The following PDE7A variants were observed in gnomAD, a reference collection of about 807,000 sequenced individuals.
PDE7A encodes the protein phosphodiesterase 7A.
Under a neutral mutation model 64.3 loss-of-function variants are expected in PDE7A, and 39 were observed. The observed-to-expected ratio is 0.61, with a 90% CI of 0.47 to 0.79. The LOEUF (loss-of-function observed/expected upper bound fraction) is 0.79, where lower values mean the gene tolerates loss of function less well. Ranked by LOEUF, PDE7A falls within the 30% of genes least tolerant of loss-of-function variation. PDE7A has a pLI of 0.00. For missense variants in PDE7A, 470 were observed against 582.8 expected (o/e 0.81, Z 1.99); for synonymous variants, 203 against 206.8 (o/e 0.98, Z 0.16).
chr8:65,810,477 C>T (rs1362523926), intron 1 of PDE7A, among the ~76,000 whole-genome samples: 2 of 152,008 alleles, frequency 1.3e-5, no homozygotes, highest in Non-Finnish European at 2.9e-5. Flanking sequence ...GCACATATAC[C>T]CTAGAACTTA....
chr8:65,813,675 C>CAAATACAG (rs1810309769), intron 1 of PDE7A, among the ~76,000 whole-genome samples: 1 of 152,114 alleles, frequency 6.6e-6, no homozygotes, highest in African/African-American at 2.4e-5. Context: ...TTAATGTAAT[C>CAAATACAG]TTTTTGACAA....
intron 3 of PDE7A, among the ~76,000 whole-genome samples, chr8:65,748,347 TC>T (rs1192960624): frequency 3.3e-5 from 5 of 152,198 alleles, no homozygotes; most frequent in African/African-American, 1.2e-4. Flanking sequence ...GTGGTTTATA[TC>T]CTGTAAGTGT....
At chr8:65,739,318 G>A (rs775420306) in intron 6 of PDE7A, among the ~76,000 whole-genome samples, 184 bp downstream of exon 6, 3 of 152,180 alleles carry the variant, frequency 2.0e-5, no homozygotes, top group Non-Finnish European at 4.4e-5. Context: ...ACCCAGACCA[G>A]ACCAAAAGAA....
intron 1 of PDE7A, among the ~76,000 whole-genome samples, chr8:65,823,683 A>C (rs1810596843): frequency 2.0e-5 from 3 of 152,196 alleles, no homozygotes; most frequent in Admixed American, 2.0e-4. Context: ...AAACATGAAG[A>C]GATAACTAGT....
chr8:65,772,973 A>C (rs1032399494), intron 3 of PDE7A, among the ~76,000 whole-genome samples: 1 of 152,102 alleles, frequency 6.6e-6, no homozygotes, highest in African/African-American at 2.4e-5. Flanking sequence ...GTGCCACTGC[A>C]CTCCAGCCTG....
At chr8:65,825,952 G>A (rs1392009948) in intron 1 of PDE7A, among the ~76,000 whole-genome samples, 1 of 152,150 alleles carries the variant, frequency 6.6e-6, no homozygotes, top group African/African-American at 2.4e-5. Flanking sequence ...TAATGGGATA[G>A]ATGGGGGATG....
At chr8:65,728,980 T>C (rs1457234907) in intron 7 of PDE7A, among the ~76,000 whole-genome samples, 5 of 152,004 alleles carry the variant, frequency 3.3e-5, no homozygotes, top group African/African-American at 7.3e-5. Flanking sequence ...ATATTTGATA[T>C]AAAAATGTAA....
chr8:65,823,177 A>G (rs7839014), intron 1 of PDE7A, among the ~76,000 whole-genome samples: 17,206 of 152,180 alleles, frequency 0.11, 1,044 homozygotes, highest in Non-Finnish European at 0.14. Context: ...AAACCTCTAA[A>G]AAGTTTGAAA....
intron 3 of PDE7A, among the ~76,000 whole-genome samples, chr8:65,777,230 C>G (rs1226212930): frequency 2.0e-5 from 3 of 151,996 alleles, no homozygotes; most frequent in Non-Finnish European, 4.4e-5. Context: ...CAGGCATGCA[C>G]CACCACGCCT....
intron 1 of PDE7A, among the ~76,000 whole-genome samples, chr8:65,829,526 T>A (rs995068802): frequency 2.6e-5 from 4 of 152,216 alleles, no homozygotes; most frequent in African/African-American, 7.2e-5. Context: ...ACTGAAAGAA[T>A]TCCTACAGCT....
At chr8:65,784,795 G>A (rs1809502572) in intron 1 of PDE7A, among the ~76,000 whole-genome samples, 1 of 151,788 alleles carries the variant, frequency 6.6e-6, no homozygotes, top group African/African-American at 2.4e-5. Flanking sequence ...AGAAAAACAG[G>A]TAGGACATAA....
At chr8:65,789,782 C>G (rs1809650609) in intron 1 of PDE7A, among the ~76,000 whole-genome samples, 2 of 152,276 alleles carry the variant, frequency 1.3e-5, no homozygotes, top group African/African-American at 2.4e-5. Context: ...AACTTTCATT[C>G]AAGTATTCAG....
intron 1 of PDE7A, among the ~76,000 whole-genome samples, chr8:65,830,727 C>G (rs757409750): frequency 6.6e-6 from 1 of 152,050 alleles, no homozygotes; most frequent in Non-Finnish European, 1.5e-5. Context: ...TATGGACATA[C>G]ACAATTTTCG....
At chr8:65,813,126 T>C (rs1380009972) in intron 1 of PDE7A, among the ~76,000 whole-genome samples, 1 of 152,124 alleles carries the variant, frequency 6.6e-6, no homozygotes, top group Non-Finnish European at 1.5e-5. Context: ...CAAATAAAAA[T>C]ACAAAACATA....
chr8:65,809,720 AT>A (rs1193160877), intron 1 of PDE7A, among the ~76,000 whole-genome samples: 3 of 152,246 alleles, frequency 2.0e-5, no homozygotes, highest in Non-Finnish European at 4.4e-5. Flanking sequence ...AAAAGAAGAC[AT>A]TTATGCAGCC....
Position 65,827,566 on chromosome 8 carries a change from A to C in PDE7A, c.138+13805T>G, listed in dbSNP as rs529565713. On this transcript the variant is annotated intron_variant, in intron 1 of 12. Transcript: ENST00000401827. ...GCAGCATATTCCTCCAAACATTATA[A>C]CACTATACAGTCATGTGCCAAATAA... Among the ~76,000 whole-genome samples, 6 of 152,334 alleles carry C rather than the reference A, an allele frequency of 3.9e-5. No individual in the cohort carries two copies. In the South Asian group the frequency reaches 1.2e-3, roughly 32 times the overall value.
intron 1 of PDE7A, among the ~76,000 whole-genome samples, chr8:65,836,833 T>C (rs952245394): frequency 1.3e-5 from 2 of 152,214 alleles, no homozygotes; most frequent in Admixed American, 1.3e-4. Context: ...CATCAGATAG[T>C]GCAAAAACAT....
intron 1 of PDE7A, among the ~76,000 whole-genome samples, chr8:65,785,909 C>T (rs1010344024): frequency 3.3e-5 from 5 of 151,990 alleles, no homozygotes; most frequent in African/African-American, 1.2e-4. Flanking sequence ...TATCACTTCA[C>T]ACATTAAGGA....
chr8:65,772,299 T>A (rs1024568883), intron 3 of PDE7A, among the ~76,000 whole-genome samples: 2 of 152,194 alleles, frequency 1.3e-5, no homozygotes, highest in African/African-American at 2.4e-5. Flanking sequence ...TCAGCATGCA[T>A]GTAAATTTTT....
Sources: allele counts gnomAD v4.1 joint callset (sites outside exome capture counted in the v4.1 genomes callset), GRCh38; gene constraint gnomAD v4.1.1; transcripts MANE v1.5; gene names NCBI Gene and HGNC (gene_info 2026-07-23, HGNC 2026-07-21).